Variants in ADGRL2 observed in about 807,000 individuals in gnomAD.
ADGRL2 encodes the protein adhesion G protein-coupled receptor L2, also known as calcium-independent alpha-latrotoxin receptor 2.
In ADGRL2, 44 loss-of-function variants were observed where a neutral mutation model predicts 157.4. The observed-to-expected ratio is 0.28, with a 90% confidence interval of 0.22 to 0.36. The LOEUF (loss-of-function observed/expected upper bound fraction) is 0.36, where lower values mean the gene tolerates loss of function less well. Ranked by LOEUF, ADGRL2 falls within the 10% of genes least tolerant of loss-of-function variation. ADGRL2 has a pLI of 1.00. For synonymous variants in ADGRL2, 585 were observed against 624.7 expected (o/e 0.94, Z 0.95); for missense variants, 1,510 against 1,768.9 (o/e 0.85, Z 2.63).
intron 1 of ADGRL2, among the ~76,000 whole-genome samples, chr1:81,834,918 A>G (rs961761165): frequency 1.3e-5 from 2 of 152,116 alleles, no homozygotes; most frequent in African/African-American, 4.8e-5. Flanking sequence ...TTCATAAGAT[A>G]TTCTTTCCTG....
intron 1 of ADGRL2, among the ~76,000 whole-genome samples, chr1:81,749,297 G>A (rs2085414015): frequency 6.6e-6 from 1 of 152,046 alleles, no homozygotes; most frequent in South Asian, 2.1e-4. Context: ...ACAAATATGA[G>A]AAGAATATAT....
chr1:81,921,219 C>T (rs1056643749), intron 3 of ADGRL2, among the ~76,000 whole-genome samples: 2 of 152,018 alleles, frequency 1.3e-5, no homozygotes, highest in African/African-American at 4.8e-5. Context: ...AGAAGTTGAC[C>T]ATGATTCCTT....
At chr1:81,866,693 G>C (rs899351196) in intron 2 of ADGRL2, among the ~76,000 whole-genome samples, 1 of 151,910 alleles carries the variant, frequency 6.6e-6, no homozygotes, top group Non-Finnish European at 1.5e-5. Flanking sequence ...TATTGAAATG[G>C]TGTTTTACTG....
At chr1:81,737,677 T>C (rs761305386) in intron 1 of ADGRL2, among the ~76,000 whole-genome samples, 6 of 152,240 alleles carry the variant, frequency 3.9e-5, no homozygotes, top group Non-Finnish European at 7.3e-5. Context: ...TCAGGGTATA[T>C]GTTTATTTTC....
chr1:81,712,094 C>T (rs933203332), intron 1 of ADGRL2, among the ~76,000 whole-genome samples: 5 of 152,044 alleles, frequency 3.3e-5, no homozygotes, highest in African/African-American at 1.2e-4. Flanking sequence ...TTTACCAATG[C>T]TTTGTAAAGT....
chr1:81,450,211 A>ATTT (rs1318507917), intron 2 of ADGRL2, among the ~76,000 whole-genome samples: 1 of 152,170 alleles, frequency 6.6e-6, no homozygotes, highest in Non-Finnish European at 1.5e-5. Context: ...TCATTCTCTT[A>ATTT]TTAATAATCC....
At chr1:81,424,809 A>G (rs554212077) in intron 1 of ADGRL2, among the ~76,000 whole-genome samples, 2 of 151,938 alleles carry the variant, frequency 1.3e-5, no homozygotes, top group Non-Finnish European at 2.9e-5. Flanking sequence ...CTTTCAAAAC[A>G]TTTTCTGACA....
chr1:81,759,928 T>C (rs1486220214), intron 1 of ADGRL2, among the ~76,000 whole-genome samples: 1 of 152,014 alleles, frequency 6.6e-6, no homozygotes, highest in African/African-American at 2.4e-5. Flanking sequence ...ACACTGGAGG[T>C]TGTTTCCTTT....
At chr1:81,851,380 A>G (rs529736271) in intron 2 of ADGRL2, among the ~76,000 whole-genome samples, 1 of 151,998 alleles carries the variant, frequency 6.6e-6, no homozygotes, top group Non-Finnish European at 1.5e-5. Context: ...TTAGAGTATA[A>G]GTAATTATGA....
chr1:81,436,458 C>CT (rs11414953), intron 1 of ADGRL2, among the ~76,000 whole-genome samples: 4,761 of 152,128 alleles, frequency 0.031, 141 homozygotes, highest in African/African-American at 0.066. Context: ...TTTTTCCTCG[C>CT]TTTTTTGTCC....
At chr1:81,986,817 A>T in intron 21 of ADGRL2, 84 bp from the exon 22 acceptor site, 1 of 1,410,832 alleles carries the variant, frequency 7.1e-7, no homozygotes, top group East Asian at 2.3e-5. Context: ...ATATAAAAAA[A>T]ATAGTTGACT....
At chr1:81,832,093 T>G (rs2091980281) in intron 1 of ADGRL2, among the ~76,000 whole-genome samples, 1 of 152,172 alleles carries the variant, frequency 6.6e-6, no homozygotes, top group African/African-American at 2.4e-5. Flanking sequence ...AAAAAGTTAT[T>G]TTTAAATGGC....
At chr1:81,716,219 A>G (rs2084111434) in intron 1 of ADGRL2, among the ~76,000 whole-genome samples, 1 of 152,194 alleles carries the variant, frequency 6.6e-6, no homozygotes, top group African/African-American at 2.4e-5. Context: ...AGTGTGGTAA[A>G]GGAAAAAGCA....
chr1:81,362,757 A>C (rs1469834748), intron 1 of ADGRL2, among the ~76,000 whole-genome samples: 1 of 151,936 alleles, frequency 6.6e-6, no homozygotes. Context: ...TCATTTCCTT[A>C]TATTCTGTTT....
chr1:81,931,104 G>A (rs113470502), intron 3 of ADGRL2, among the ~76,000 whole-genome samples: 2 of 152,132 alleles, frequency 1.3e-5, no homozygotes, highest in Admixed American at 6.5e-5. Context: ...AGCCAAGATC[G>A]TGCCACTGCA....
At chr1:81,751,919 CATG>C (rs2085502861) in intron 1 of ADGRL2, among the ~76,000 whole-genome samples, 1 of 152,078 alleles carries the variant, frequency 6.6e-6, no homozygotes. Context: ...CAACATCTTC[CATG>C]ATATGTTGTC....
chr1:81,721,034 C>CTTTT (rs533654243), intron 1 of ADGRL2, among the ~76,000 whole-genome samples: 52 of 133,218 alleles, frequency 3.9e-4, no homozygotes, highest in East Asian at 8.7e-4. Flanking sequence ...AAACAATTTC[C>CTTTT]TTTTTTTTTT....
intron 1 of ADGRL2, among the ~76,000 whole-genome samples, chr1:81,441,223 T>C (rs2077502139): frequency 6.6e-6 from 1 of 152,196 alleles, no homozygotes; most frequent in African/African-American, 2.4e-5. Flanking sequence ...ATATGGCATA[T>C]TGCTACTGAA....
At chr1:81,453,206 C>T (rs1436226851) in intron 2 of ADGRL2, among the ~76,000 whole-genome samples, 1 of 152,190 alleles carries the variant, frequency 6.6e-6, no homozygotes, top group African/African-American at 2.4e-5. Context: ...CATAACAACT[C>T]ACAGCTGATT....
Sources: gnomAD v4.1 joint callset for allele counts (sites outside exome capture counted in the v4.1 genomes callset) on GRCh38, gnomAD v4.1.1 for gene constraint, MANE v1.5 for transcripts, NCBI Gene and HGNC (gene_info 2026-07-23, HGNC 2026-07-21) for gene names.